Variants in SMN1 observed in about 807,000 individuals in gnomAD.
SMN1 encodes the protein survival motor neuron protein.
For synonymous variants in SMN1, 3 were observed against 5.1 expected, an observed-to-expected ratio of 0.58 and a Z score of 0.56; for missense variants, 15 against 17.1, an observed-to-expected ratio of 0.88 and a Z score of 0.22.
intron 5 of SMN1, among the ~76,000 whole-genome samples, chr5:70,943,549 TAAG>T (rs1749452452): frequency 1.8e-5 from 1 of 55,490 alleles, no homozygotes; most frequent in East Asian, 4.2e-4. Flanking sequence ...ATATGTAAAA[TAAG>T]AACACATTAT....
intron 8 of SMN1, 31 bp downstream of exon 8, chr5:70,952,025 T>A (rs1230256976): frequency 6.2e-7 from 1 of 1,609,534 alleles, no homozygotes; most frequent in African/African-American, 1.3e-5. Flanking sequence ...AAAGTGAATC[T>A]TACTTTTGTA....
chr5:70,950,509 A>G (rs1472293568), intron 7 of SMN1, among the ~76,000 whole-genome samples: 1 of 149,142 alleles, frequency 6.7e-6, no homozygotes, highest in Non-Finnish European at 1.5e-5. Flanking sequence ...GCTGGGGTGC[A>G]ATGGTGCAAT....
At chr5:70,959,639 ATTGT>A in the SMN1 span, among the ~76,000 whole-genome samples, 1 of 25,828 alleles carries the variant, frequency 3.9e-5, no homozygotes, top group Non-Finnish European at 7.4e-5. Flanking sequence ...TTGCATTTAA[ATTGT>A]TTTTTTTTTT....
downstream of SMN1, among the ~76,000 whole-genome samples, chr5:70,956,794 T>C (rs1315655639): frequency 2.7e-5 from 4 of 149,550 alleles, no homozygotes; most frequent in Non-Finnish European, 3.0e-5. Flanking sequence ...GACTTGGCGA[T>C]GCGGGCTTTT....
At chr5:70,951,358 C>T (rs1439344407) in intron 7 of SMN1, among the ~76,000 whole-genome samples, 2 of 151,818 alleles carry the variant, frequency 1.3e-5, no homozygotes, top group South Asian at 2.1e-4. Flanking sequence ...ACTGCAGCCT[C>T]CGCCTCCTGG....
chr5:70,959,020 T>C, the SMN1 span, among the ~76,000 whole-genome samples: 1 of 150,710 alleles, frequency 6.6e-6, no homozygotes, highest in African/African-American at 2.4e-5. Context: ...TGTCCAACAA[T>C]GATAGACTGG....
chr5:70,956,476 C>G (rs1749906423), downstream of SMN1, among the ~76,000 whole-genome samples: 1 of 140,680 alleles, frequency 7.1e-6, no homozygotes, highest in African/African-American at 2.6e-5. Context: ...TTTAATCCAT[C>G]TTGAATTAAT....
At position 70,951,966 on chromosome 5, in the gene SMN1, G is replaced by C; in HGVS notation, c.860G>C (p.Gly287Ala). 4.3e-6 allele frequency: 7 copies of C among 1,613,004 alleles called. No individual in the cohort carries two copies. Among genetic ancestry groups the C allele is most frequent in the Non-Finnish European group, 5.9e-6 (7 of 1,179,434 alleles). The change falls in exon 8 of 9, where the codon GGA becomes GCA. Residue 287 changes from glycine (G) to alanine (A), a missense_variant. Transcript: ENST00000380707. ...GGTTTCAGACAAAATCAAAAAGAAG[G>C]AAGGTGCTCACATTCCTTAAATTAA... ...YMGFRQNQKE[G>A]RCSHSLN
chr5:70,955,569 G>A (rs1204903707), downstream of SMN1, among the ~76,000 whole-genome samples: 194 of 141,668 alleles, frequency 1.4e-3, no homozygotes, highest in African/African-American at 5.0e-3. Context: ...ACCTGAGGTC[G>A]GTAGTTCGAG....
the SMN1 span, among the ~76,000 whole-genome samples, chr5:70,959,106 G>A: frequency 6.7e-5 from 10 of 150,344 alleles, 1 homozygote; most frequent in Non-Finnish European, 1.5e-4. Flanking sequence ...GTCCTTTGTA[G>A]GGACATGGAT....
the SMN1 span, among the ~76,000 whole-genome samples, chr5:70,959,441 A>C: frequency 2.3e-5 from 3 of 131,576 alleles, no homozygotes; most frequent in Non-Finnish European, 5.0e-5. Context: ...AAAAATTAAA[A>C]ATTTAAAAAA....
chr5:70,951,454 C>T (rs1322081162), intron 7 of SMN1, among the ~76,000 whole-genome samples: 2 of 151,736 alleles, frequency 1.3e-5, no homozygotes, highest in African/African-American at 2.4e-5. Context: ...TTTGTACTTT[C>T]AGTAGAAATG....
the SMN1 span, among the ~76,000 whole-genome samples, chr5:70,959,999 CTATATT>C: frequency 7.2e-6 from 1 of 138,262 alleles, no homozygotes; most frequent in East Asian, 2.2e-4. Flanking sequence ...TTATATTAAT[CTATATT>C]TATACCAACA....
At position 70,945,665 on chromosome 5, in the gene SMN1, A is replaced by G. The variant is rs940967376; in HGVS notation, c.724-401A>G. Among the ~76,000 whole-genome samples the G allele has an allele frequency of 9.0e-5, 6 of 66,502 alleles. No individual in the cohort carries two copies. In the East Asian group the frequency reaches 1.5e-3, roughly 17 times the overall value. The allele number at this position is 66,502 out of a possible 152,430, so 43.6% of individuals were successfully genotyped here. ...TTTTTTACTCATAGCTTCATAGTGG[A>G]ACAGATACATAGTCTAAATCAAAAT... On this transcript the variant is annotated intron_variant, in intron 6 of 8. Coordinates refer to ENST00000380707, the MANE Select transcript of SMN1 (RefSeq NM_000344.4).
chr5:70,955,080 G>C (rs539933002), downstream of SMN1, among the ~76,000 whole-genome samples: 13 of 143,204 alleles, frequency 9.1e-5, no homozygotes, highest in East Asian at 2.7e-3. Context: ...AGGCATGGTG[G>C]TGCATGCCTG....
intron 7 of SMN1, among the ~76,000 whole-genome samples, chr5:70,949,960 C>G: frequency 1.5e-5 from 2 of 134,030 alleles, no homozygotes; most frequent in Admixed American, 7.9e-5. Context: ...CCCAGCTACT[C>G]AGGAGGCTGA....
At chr5:70,955,827 C>A (rs1259961845), downstream of SMN1, among the ~76,000 whole-genome samples, 1 of 138,858 alleles carries the variant, frequency 7.2e-6, no homozygotes, top group African/African-American at 2.7e-5. Flanking sequence ...ATCATCATTA[C>A]CCTTTTTGAA....
downstream of SMN1, among the ~76,000 whole-genome samples, chr5:70,956,590 TG>T (rs1267561720): frequency 2.0e-5 from 3 of 148,340 alleles, no homozygotes; most frequent in East Asian, 5.9e-4. Flanking sequence ...CCCCATTGCT[TG>T]TTTTTCTCAG....
intron 8 of SMN1, 180 bp downstream of exon 8, chr5:70,952,174 T>A: frequency 6.8e-7 from 1 of 1,475,064 alleles, no homozygotes; most frequent in Non-Finnish European, 9.0e-7. Flanking sequence ...TTAATCTACA[T>A]CCCTACTAGA....
Sources: gnomAD v4.1 joint callset for allele counts (sites outside exome capture counted in the v4.1 genomes callset) on GRCh38, gnomAD v4.1.1 for gene constraint, MANE v1.5 for transcripts, NCBI Gene and HGNC (gene_info 2026-07-23, HGNC 2026-07-21) for gene names.